LZTS1: variants seen among roughly 807,000 people sequenced by gnomAD.
The protein encoded by LZTS1 is leucine zipper tumor suppressor 1, also known as leucine zipper putative tumor suppressor 1.
A neutral mutation model predicts 45.8 loss-of-function variants in LZTS1; 31 were observed. That is an observed-to-expected ratio of 0.68 (90% CI 0.51 to 0.91). LZTS1 has a LOEUF of 0.91. LZTS1 is among the 40% of genes least tolerant of loss of function. The pLI, the probability that LZTS1 is intolerant of heterozygous loss-of-function variation, is 0.00. For synonymous variants in LZTS1, 359 were observed against 357.3 expected, an observed-to-expected ratio of 1.00 and a Z score of -0.05; for missense variants, 821 against 788.9, an observed-to-expected ratio of 1.04 and a Z score of -0.49.
chr8:20,268,728 A>G (rs1291274782), intron 1 of LZTS1, among the ~76,000 whole-genome samples: 1 of 150,156 alleles, frequency 6.7e-6, no homozygotes, highest in Non-Finnish European at 1.5e-5. Flanking sequence ...CGTGGGCAAC[A>G]TGAGGAGGGG....
intron 1 of LZTS1, among the ~76,000 whole-genome samples, chr8:20,264,055 T>C (rs1800300125): frequency 1.3e-5 from 2 of 152,152 alleles, no homozygotes; most frequent in Non-Finnish European, 2.9e-5. Context: ...GGTGGAAAAT[T>C]CTCATGATTT....
intron 1 of LZTS1, among the ~76,000 whole-genome samples, chr8:20,267,965 T>TA (rs1004268179): frequency 2.0e-5 from 3 of 152,166 alleles, no homozygotes; most frequent in Non-Finnish European, 4.4e-5. Context: ...GCACAGTTGA[T>TA]ACCAAAGCCC....
chr8:20,280,281 T>C (rs1264194563), intron 1 of LZTS1, among the ~76,000 whole-genome samples: 1 of 152,194 alleles, frequency 6.6e-6, no homozygotes, highest in African/African-American at 2.4e-5. Context: ...ATAGTGCTAA[T>C]TGGAAGGACT....
intron 1 of LZTS1, among the ~76,000 whole-genome samples, chr8:20,294,744 T>C (rs537551244): frequency 3.9e-5 from 6 of 152,072 alleles, no homozygotes; most frequent in Admixed American, 2.6e-4. Flanking sequence ...TTGCAATAAA[T>C]AAGGGAAGCT....
chr8:20,281,001 T>G (rs1800681237), intron 1 of LZTS1, among the ~76,000 whole-genome samples: 1 of 152,246 alleles, frequency 6.6e-6, no homozygotes, highest in African/African-American at 2.4e-5. Flanking sequence ...CCCCAGGGCC[T>G]GGGTGGCTGC....
chr8:20,301,898 T>C lies in LZTS1; in HGVS notation c.-135+1842A>G, dbSNP rs79452033. Among the ~76,000 whole-genome samples, 592 of 152,286 alleles carry C rather than the reference T, an allele frequency of 3.9e-3. 9 individuals are homozygous for C. Among genetic ancestry groups the C allele is most frequent in the African/African-American group, 0.014 (566 of 41,556 alleles). On this transcript the variant is annotated intron_variant, in intron 1 of 3. Coordinates refer to ENST00000381569, the MANE Select transcript of LZTS1 (RefSeq NM_021020.5). ...TGAAGCACACAGCCGCTGCTATAAA[T>C]GTTAACTAACAACCATCTTCAGCAC...
intron 1 of LZTS1, among the ~76,000 whole-genome samples, chr8:20,286,117 A>G (rs1263586546): frequency 6.6e-6 from 1 of 152,246 alleles, no homozygotes; most frequent in Non-Finnish European, 1.5e-5. Flanking sequence ...TGGCCAGGTC[A>G]TTAAAAAAGC....
chr8:20,267,734 C>T (rs1452608192), intron 1 of LZTS1, among the ~76,000 whole-genome samples: 1 of 152,104 alleles, frequency 6.6e-6, no homozygotes. Flanking sequence ...CCAGGATGGT[C>T]TCGATCTCTT....
At chr8:20,281,331 G>A (rs1468484047) in intron 1 of LZTS1, among the ~76,000 whole-genome samples, 1 of 151,694 alleles carries the variant, frequency 6.6e-6, no homozygotes, top group Non-Finnish European at 1.5e-5. Flanking sequence ...AGGCTGAGGT[G>A]GGCAGATCAC....
chr8:20,264,771 C>T (rs945115165), intron 1 of LZTS1, among the ~76,000 whole-genome samples: 2 of 152,146 alleles, frequency 1.3e-5, no homozygotes, highest in South Asian at 4.1e-4. Flanking sequence ...GAGGCCAGAG[C>T]GGAAAAGGGA....
At position 20,252,189 on chromosome 8, in the gene LZTS1, GGTGA is replaced by G. The variant is rs954888684; in HGVS notation, c.1149+589_1149+592del. Among the ~76,000 whole-genome samples the G allele has an allele frequency of 4.4e-4, 67 of 152,248 alleles. 1 individual carries two copies. The highest frequency in any genetic ancestry group is 1.4e-3 in the African/African-American group (57 of 41,548). ...GATGCCTCATTTCCACGTGTGACCG[GGTGA>G]GTGAGTGTGTGTGAGTGTGTAAGTG... On this transcript the variant is annotated intron_variant, in intron 3 of 3. Transcript: ENST00000381569.
At chr8:20,299,294 G>C (rs1801031591) in intron 1 of LZTS1, among the ~76,000 whole-genome samples, 1 of 152,154 alleles carries the variant, frequency 6.6e-6, no homozygotes, top group Non-Finnish European at 1.5e-5. Context: ...TCAACTTCAA[G>C]GTTCAGTTCA....
chr8:20,288,986 G>GTTT (rs1800847427), intron 1 of LZTS1, among the ~76,000 whole-genome samples: 2 of 58,216 alleles, frequency 3.4e-5, no homozygotes, highest in African/African-American at 1.5e-4. Context: ...AATAGCAGCT[G>GTTT]GTTTTTTTTT....
At chr8:20,263,336 T>C (rs1585285626) in intron 1 of LZTS1, among the ~76,000 whole-genome samples, 1 of 150,360 alleles carries the variant, frequency 6.7e-6, no homozygotes, top group Middle Eastern at 3.4e-3. Context: ...TTCATTTCAG[T>C]CTTTTTTTTT....
intron 1 of LZTS1, among the ~76,000 whole-genome samples, chr8:20,296,689 G>A (rs981366788): frequency 2.0e-5 from 3 of 152,180 alleles, no homozygotes; most frequent in South Asian, 2.1e-4. Context: ...AAATGGATAC[G>A]TGTGTGTGCG....
At chr8:20,254,808 A>T in intron 2 of LZTS1, 29 bp downstream of exon 2, 1 of 1,569,106 alleles carries the variant, frequency 6.4e-7, no homozygotes, top group Non-Finnish European at 8.7e-7. Flanking sequence ...TTTCCAACCC[A>T]CTTACCCTTG....
At chr8:20,250,713 C>A (rs1160912812) in intron 3 of LZTS1, among the ~76,000 whole-genome samples, 2 of 152,066 alleles carry the variant, frequency 1.3e-5, no homozygotes, top group African/African-American at 4.8e-5. Flanking sequence ...ATTCTCCTGC[C>A]TCAGCCTCCC....
intron 3 of LZTS1, among the ~76,000 whole-genome samples, chr8:20,252,215 AGTGT>A (rs962344110): frequency 1.1e-4 from 16 of 152,080 alleles, no homozygotes; most frequent in African/African-American, 2.4e-4. Context: ...TGAGTGTGTA[AGTGT>A]GTGAGTGGGG....
chr8:20,294,475 C>T (rs370323784), intron 1 of LZTS1, among the ~76,000 whole-genome samples: 3 of 152,294 alleles, frequency 2.0e-5, no homozygotes, highest in East Asian at 1.9e-4. Flanking sequence ...GGGGCCGGCT[C>T]GCTTTACAGT....
Sources: allele counts gnomAD v4.1 joint callset (sites outside exome capture counted in the v4.1 genomes callset), GRCh38; gene constraint gnomAD v4.1.1; transcripts MANE v1.5; gene names NCBI Gene and HGNC (gene_info 2026-07-23, HGNC 2026-07-21).